The following DOK6 variants were observed in gnomAD, a reference collection of about 807,000 sequenced individuals.
DOK6 encodes docking protein 6.
Under a neutral mutation model 44.0 loss-of-function variants are expected in DOK6, and 22 were observed. The observed-to-expected ratio is 0.50, with a 90% CI of 0.36 to 0.71. The LOEUF is 0.71. DOK6 is among the 30% of genes least tolerant of loss of function. The probability of loss-of-function intolerance (pLI) is 0.00; values close to 1 mark genes in which losing one functional copy is unlikely to be tolerated. For missense variants in DOK6, 340 were observed against 416.4 expected (o/e 0.82, Z 1.60); for synonymous variants, 166 against 145.5 (o/e 1.14, Z -1.01).
Position 69,441,235 on chromosome 18 carries a change from G to A in DOK6, c.66+39925G>A, listed in dbSNP as rs769606532. Among the ~76,000 whole-genome samples, 61 of 152,076 alleles carry A rather than the reference G, an allele frequency of 4.0e-4. 1 individual carries two copies. Among genetic ancestry groups the A allele is most frequent in the Non-Finnish European group, 7.4e-4 (50 of 67,952 alleles). On this transcript the variant is annotated intron_variant, in intron 1 of 7. Transcript: ENST00000382713. ...TTTATCATTATACTGTTACTGTAAC[G>A]TCAAAAATAGTATAAAAGTATGATA...
intron 6 of DOK6, among the ~76,000 whole-genome samples, chr18:69,753,591 A>T (rs1979255468): frequency 6.6e-6 from 1 of 152,248 alleles, no homozygotes; most frequent in Non-Finnish European, 1.5e-5. Flanking sequence ...GCTGTTTCAA[A>T]AGAATAGAAG....
chr18:69,521,396 GT>G (rs1359215815), intron 1 of DOK6, among the ~76,000 whole-genome samples: 1 of 150,322 alleles, frequency 6.7e-6, no homozygotes, highest in Non-Finnish European at 1.5e-5. Flanking sequence ...TAACCAAAGT[GT>G]TTTTTTAGGA....
At chr18:69,702,039 A>G (rs1229397296) in intron 5 of DOK6, among the ~76,000 whole-genome samples, 1 of 151,976 alleles carries the variant, frequency 6.6e-6, no homozygotes, top group African/African-American at 2.4e-5. Flanking sequence ...ATTATGTTAT[A>G]TACACTATAA....
intron 1 of DOK6, among the ~76,000 whole-genome samples, chr18:69,415,371 A>G (rs1157756784): frequency 6.6e-6 from 1 of 151,256 alleles, no homozygotes; most frequent in Non-Finnish European, 1.5e-5. Context: ...TAATTCTCTC[A>G]TGAAACTCAG....
At chr18:69,420,121 A>T (rs1978445977) in intron 1 of DOK6, among the ~76,000 whole-genome samples, 1 of 152,136 alleles carries the variant, frequency 6.6e-6, no homozygotes, top group African/African-American at 2.4e-5. Context: ...TTTAACCAAT[A>T]AAACATACAA....
chr18:69,450,912 G>A (rs1430803549), intron 1 of DOK6, among the ~76,000 whole-genome samples: 15 of 150,158 alleles, frequency 1.0e-4, no homozygotes, highest in Non-Finnish European at 2.1e-4. Context: ...TGAAAGAAGC[G>A]CTAAACATGG....
At chr18:69,815,177 G>A (rs1354703187) in intron 7 of DOK6, among the ~76,000 whole-genome samples, 40 of 152,062 alleles carry the variant, frequency 2.6e-4, no homozygotes, top group Non-Finnish European at 2.9e-5. Context: ...GCACAAGGAA[G>A]AAAGAAGGGA....
At chr18:69,407,546 C>T (rs905737962) in intron 1 of DOK6, among the ~76,000 whole-genome samples, 1 of 152,190 alleles carries the variant, frequency 6.6e-6, no homozygotes, top group Non-Finnish European at 1.5e-5. Context: ...TTTTCATTAA[C>T]TTTCTGCATA....
chr18:69,823,993 A>G (rs2145126408), intron 7 of DOK6, among the ~76,000 whole-genome samples: 1 of 152,310 alleles, frequency 6.6e-6, no homozygotes, highest in East Asian at 1.9e-4. Context: ...GTGTTCCAAA[A>G]AAAGCAAACA....
At chr18:69,773,413 C>A (rs1310276152) in intron 7 of DOK6, among the ~76,000 whole-genome samples, 1 of 151,810 alleles carries the variant, frequency 6.6e-6, no homozygotes, top group African/African-American at 2.4e-5. Flanking sequence ...CAGTAGTATT[C>A]ACAATAGCCA....
At chr18:69,537,201 G>A (rs1982148407) in intron 1 of DOK6, among the ~76,000 whole-genome samples, 1 of 152,010 alleles carries the variant, frequency 6.6e-6, no homozygotes, top group African/African-American at 2.4e-5. Flanking sequence ...ATTCCACTTT[G>A]ATTTTATAAA....
chr18:69,411,046 G>A (rs890958004), intron 1 of DOK6, among the ~76,000 whole-genome samples: 1 of 152,116 alleles, frequency 6.6e-6, no homozygotes, highest in Non-Finnish European at 1.5e-5. Flanking sequence ...TAGATGGGGG[G>A]AGAGAAAATC....
At chr18:69,720,711 G>T (rs751757823) in intron 5 of DOK6, among the ~76,000 whole-genome samples, 2 of 151,948 alleles carry the variant, frequency 1.3e-5, no homozygotes, top group Non-Finnish European at 2.9e-5. Context: ...GTATAATTTT[G>T]TCCCCTTAAA....
intron 1 of DOK6, among the ~76,000 whole-genome samples, chr18:69,539,467 CTTT>C (rs71176979): frequency 7.1e-6 from 1 of 140,360 alleles, no homozygotes; most frequent in African/African-American, 2.6e-5. Flanking sequence ...ACAAAAACAG[CTTT>C]TTTTTTTTTT....
chr18:69,435,021 GGGAGGGAAGGAAGGAAGGAAGGAA>G (rs1978925810), intron 1 of DOK6, among the ~76,000 whole-genome samples: 1 of 74,688 alleles, frequency 1.3e-5, no homozygotes, highest in Non-Finnish European at 2.7e-5. Context: ...AGTGTAGGGA[GGGAGGGAAGGAAGGAAGGAAGGAA>G]GGAAGGAAGG....
At chr18:69,454,914 TG>T (rs1418248277) in intron 1 of DOK6, among the ~76,000 whole-genome samples, 1 of 82,252 alleles carries the variant, frequency 1.2e-5, no homozygotes, top group Non-Finnish European at 2.3e-5. Flanking sequence ...TGTGGTGGGG[TG>T]GGGGGAGGGG....
chr18:69,583,696 C>T (rs1983420055), intron 2 of DOK6, among the ~76,000 whole-genome samples: 2 of 149,686 alleles, frequency 1.3e-5, no homozygotes, highest in South Asian at 2.1e-4. Flanking sequence ...GCAGCAGGAT[C>T]GCTTGAGGCC....
rs2145145722 is a variant in DOK6, at chr18:69,846,025, T to C, written c.*4642T>C. ...CACACTCTCATGTGTGCATTCTCTA[T>C]TAACATATTTGGAAGATTGCCCACA... On this transcript the variant is annotated 3_prime_UTR_variant, in exon 8 of 8. Coordinates refer to ENST00000382713, the MANE Select transcript of DOK6 (RefSeq NM_152721.6). 1 of 152,348 alleles carries C rather than the reference T, an allele frequency of 6.6e-6. No homozygotes were observed. Among genetic ancestry groups the C allele is most frequent in the South Asian group, 2.1e-4 (1 of 4,824 alleles). 9.4% of individuals were successfully genotyped at this position (152,348 alleles called of 1,614,324 possible).
chr18:69,512,347 T>C (rs1480342583), intron 1 of DOK6, among the ~76,000 whole-genome samples: 12 of 143,450 alleles, frequency 8.4e-5, no homozygotes, highest in African/African-American at 3.1e-4. Flanking sequence ...TTTTTTTTTT[T>C]TTTTTTTTTT....
Sources: gnomAD v4.1 joint callset for allele counts (sites outside exome capture counted in the v4.1 genomes callset) on GRCh38, gnomAD v4.1.1 for gene constraint, MANE v1.5 for transcripts, NCBI Gene and HGNC (gene_info 2026-07-23, HGNC 2026-07-21) for gene names.